The following TBC1D5 variants were observed in gnomAD, a reference collection of about 807,000 sequenced individuals.
The protein encoded by TBC1D5 is TBC1 domain family member 5.
TBC1D5 carries 75 observed loss-of-function variants against 100.3 expected under a neutral mutation model. That is an observed-to-expected ratio of 0.75 (90% CI 0.62 to 0.91). The LOEUF is 0.91. Ranked by LOEUF, TBC1D5 falls within the 40% of genes least tolerant of loss-of-function variation. The pLI is 0.00. For synonymous variants in TBC1D5, 323 were observed against 325.6 expected, an observed-to-expected ratio of 0.99 and a Z score of 0.09; for missense variants, 910 against 942.4, an observed-to-expected ratio of 0.97 and a Z score of 0.45.
chr3:17,294,561 A>T (rs2082066746), intron 14 of TBC1D5, among the ~76,000 whole-genome samples: 1 of 152,330 alleles, frequency 6.6e-6, no homozygotes, highest in Admixed American at 6.5e-5. Context: ...TATAAAATAT[A>T]TAAGGGAAGC....
At chr3:17,354,749 T>C (rs1180925700) in intron 13 of TBC1D5, among the ~76,000 whole-genome samples, 2 of 150,926 alleles carry the variant, frequency 1.3e-5, no homozygotes, top group African/African-American at 4.9e-5. Context: ...CTGATTTAAC[T>C]AGATTATTCC....
intron 2 of TBC1D5, among the ~76,000 whole-genome samples, chr3:17,602,821 C>T (rs2061067286): frequency 6.6e-6 from 1 of 151,998 alleles, no homozygotes; most frequent in Non-Finnish European, 1.5e-5. Context: ...GTGATCCACC[C>T]ACCTTGGCCT....
intron 13 of TBC1D5, among the ~76,000 whole-genome samples, chr3:17,368,803 A>G (rs2092314705): frequency 6.6e-6 from 1 of 152,022 alleles, no homozygotes; most frequent in Admixed American, 6.6e-5. Flanking sequence ...TGGCATGCAA[A>G]AGCACACTTT....
intron 3 of TBC1D5, among the ~76,000 whole-genome samples, chr3:17,492,529 G>A (rs1296564041): frequency 6.6e-6 from 1 of 152,098 alleles, no homozygotes; most frequent in Non-Finnish European, 1.5e-5. Flanking sequence ...CCATGTCCGG[G>A]ATTCAAGTGA....
At chr3:17,331,905 T>C (rs1160495870) in intron 13 of TBC1D5, among the ~76,000 whole-genome samples, 2 of 151,912 alleles carry the variant, frequency 1.3e-5, no homozygotes, top group African/African-American at 4.8e-5. Context: ...GTTTGGAAAA[T>C]GAGGTTGGAG....
chr3:17,289,632 CA>C (rs34174909), intron 15 of TBC1D5, among the ~76,000 whole-genome samples: 55,557 of 129,436 alleles, frequency 0.43, 10,985 homozygotes, highest in Middle Eastern at 0.53. Flanking sequence ...GACTCCATCT[CA>C]AAAAAAAAAA....
At chr3:17,547,729 G>A (rs1490387720) in intron 2 of TBC1D5, among the ~76,000 whole-genome samples, 2 of 152,080 alleles carry the variant, frequency 1.3e-5, no homozygotes, top group African/African-American at 4.8e-5. Context: ...TTCACAAATG[G>A]AAATGTTACC....
At chr3:17,536,697 C>T (rs760502445) in intron 2 of TBC1D5, among the ~76,000 whole-genome samples, 1 of 152,116 alleles carries the variant, frequency 6.6e-6, no homozygotes, top group Non-Finnish European at 1.5e-5. Flanking sequence ...ATAGGAGTTA[C>T]AGGCAAAGAC....
chr3:17,179,345 T>A (rs927772420), intron 19 of TBC1D5, among the ~76,000 whole-genome samples: 1 of 152,242 alleles, frequency 6.6e-6, no homozygotes, highest in African/African-American at 2.4e-5. Context: ...AAGATATTCA[T>A]TGAAAGTTGT....
intron 18 of TBC1D5, among the ~76,000 whole-genome samples, chr3:17,204,226 C>T (rs933428046): frequency 3.9e-5 from 6 of 152,206 alleles, no homozygotes; most frequent in Non-Finnish European, 7.3e-5. Context: ...GACAACCATG[C>T]AGACTCCGCA....
At chr3:17,316,143 T>C (rs2084670439) in intron 13 of TBC1D5, among the ~76,000 whole-genome samples, 1 of 152,180 alleles carries the variant, frequency 6.6e-6, no homozygotes, top group Non-Finnish European at 1.5e-5. Flanking sequence ...CCCATTTGCA[T>C]GTTCAGTCTT....
At chr3:17,332,642 T>C (rs2087032819) in intron 13 of TBC1D5, among the ~76,000 whole-genome samples, 2 of 148,616 alleles carry the variant, frequency 1.3e-5, no homozygotes, top group African/African-American at 5.0e-5. Flanking sequence ...ATAAAGGAGA[T>C]TGAGAAGAAA....
intron 2 of TBC1D5, among the ~76,000 whole-genome samples, chr3:17,603,905 A>T (rs1401992171): frequency 6.6e-6 from 1 of 152,056 alleles, no homozygotes; most frequent in African/African-American, 2.4e-5. Flanking sequence ...TCACCCTCTC[A>T]AAGTGCTGGG....
chr3:17,214,988 T>TAGAGCTA (rs2073452194), intron 17 of TBC1D5, among the ~76,000 whole-genome samples: 1 of 151,956 alleles, frequency 6.6e-6, no homozygotes, highest in Non-Finnish European at 1.5e-5. Flanking sequence ...CCGGTATGGT[T>TAGAGCTA]AGAGCTAAGA....
intron 2 of TBC1D5, among the ~76,000 whole-genome samples, chr3:17,559,652 C>T (rs2096544918): frequency 2.0e-5 from 3 of 150,816 alleles, no homozygotes; most frequent in Non-Finnish European, 3.0e-5. Context: ...TGCAACGGCG[C>T]GATCTCGGCT....
chr3:17,675,842 T>A (rs1577391552), intron 1 of TBC1D5, among the ~76,000 whole-genome samples: 4 of 152,278 alleles, frequency 2.6e-5, no homozygotes, highest in East Asian at 3.9e-4. Context: ...GAATTTATTA[T>A]TTTACGATTT....
At chr3:17,168,220 C>T (rs908410472) in intron 19 of TBC1D5, among the ~76,000 whole-genome samples, 1 of 152,214 alleles carries the variant, frequency 6.6e-6, no homozygotes, top group East Asian at 1.9e-4. Context: ...CCTTACCTCT[C>T]TCTAAAGACC....
intron 18 of TBC1D5, among the ~76,000 whole-genome samples, chr3:17,211,269 T>C (rs561007381): frequency 6.6e-6 from 1 of 152,360 alleles, no homozygotes; most frequent in Admixed American, 6.5e-5. Flanking sequence ...TATTTATAGC[T>C]GTGTATACGT....
intron 13 of TBC1D5, among the ~76,000 whole-genome samples, chr3:17,361,457 T>C (rs1408035563): frequency 2.0e-5 from 3 of 152,010 alleles, no homozygotes; most frequent in Non-Finnish European, 2.9e-5. Flanking sequence ...CATTCAACAA[T>C]AGTAGAATAA....
Sources: allele counts gnomAD v4.1 joint callset (sites outside exome capture counted in the v4.1 genomes callset), GRCh38; gene constraint gnomAD v4.1.1; transcripts MANE v1.5; gene names NCBI Gene and HGNC (gene_info 2026-07-23, HGNC 2026-07-21).